Variants in MID2 observed in about 807,000 individuals in gnomAD.
MID2 encodes midline 2.
A neutral mutation model predicts 46.1 loss-of-function variants in MID2; 13 were observed. That is an observed-to-expected ratio of 0.28 (90% CI 0.18 to 0.45). The LOEUF is 0.45. Among genes scored for constraint, MID2 ranks in the 20% least tolerant of loss-of-function variants. MID2 has a pLI of 1.00. For synonymous variants in MID2, 199 were observed against 212.3 expected, an observed-to-expected ratio of 0.94 and a Z score of 0.55; for missense variants, 431 against 575.4, an observed-to-expected ratio of 0.75 and a Z score of 2.57.
At position 107,916,142 on chromosome X, in the gene MID2, T is replaced by C; in HGVS notation, c.1201+13T>C. On this transcript the variant is annotated intron_variant, in intron 6 of 9. Coordinates refer to ENST00000262843, the MANE Select transcript of MID2 (RefSeq NM_012216.4). Reference sequence around the variant, plus strand: ...GATTATTTAACAGGTGTGAAAATACTGTGCTTTCCTTTCCATTTAATTTTT... The same window carrying C: ...GATTATTTAACAGGTGTGAAAATACCGTGCTTTCCTTTCCATTTAATTTTT... The C allele has an allele frequency of 1.8e-6, 2 of 1,113,054 alleles. No homozygotes were observed. The highest frequency in any genetic ancestry group is 2.4e-6 in the Non-Finnish European group (2 of 846,825). The allele number at this position is 1,113,054 out of a possible 1,213,427, so 91.7% of individuals were successfully genotyped here.
At chrX:107,845,523 ACACTCTCT>A (rs1380128038) in intron 2 of MID2, among the ~76,000 whole-genome samples, 2 of 85,954 alleles carry the variant, frequency 2.3e-5, no homozygotes, top group African/African-American at 7.2e-5. Flanking sequence ...ACACACACAC[ACACTCTCT>A]CTCTCTCTCT....
chrX:107,887,029 A>G (rs1932468607), intron 3 of MID2, among the ~76,000 whole-genome samples: 1 of 111,924 alleles, frequency 8.9e-6, no homozygotes, highest in Non-Finnish European at 1.9e-5. Context: ...TTGGGCTGAG[A>G]TGATGGGGTT....
intron 3 of MID2, among the ~76,000 whole-genome samples, chrX:107,883,317 T>C (rs772180677): frequency 9.0e-6 from 1 of 111,158 alleles, no homozygotes; most frequent in African/African-American, 3.3e-5. Flanking sequence ...AAACTGCATG[T>C]TCTGCACATG....
intron 2 of MID2, among the ~76,000 whole-genome samples, chrX:107,851,771 C>G (rs1931624637): frequency 9.0e-6 from 1 of 111,483 alleles, no homozygotes. Flanking sequence ...AGCTGCGTCC[C>G]CCACTACTCT....
rs148256675 is a variant in MID2 at position 107,902,910 on chromosome X, T to G, written c.817-1048T>G. On this transcript the variant is annotated intron_variant, in intron 3 of 9. Coordinates refer to ENST00000262843, the MANE Select transcript of MID2 (RefSeq NM_012216.4). ...TTCCCTGTATGACTGCTCTGTGTGC[T>G]GCTGAAATGGAACTGAACCTCGCCC... 1.3e-4 allele frequency among the ~76,000 whole-genome samples: 14 copies of G among 111,254 alleles called. No homozygotes were observed. The East Asian group carries it at 4.0e-3, about 32-fold the overall frequency.
Position 107,879,555 on chromosome X carries a change from G to T in MID2, c.817-24403G>T, listed in dbSNP as rs945300722. ...GAGCCTAGGTTTTTTATGGGCACAGGGTGGTGGGCAGGGTGGGCCATGGGT... is the reference window on the plus strand; with the variant it reads ...GAGCCTAGGTTTTTTATGGGCACAGTGTGGTGGGCAGGGTGGGCCATGGGT... On this transcript the variant is annotated intron_variant, in intron 3 of 9. Transcript: ENST00000262843. Among the ~76,000 whole-genome samples the T allele has an allele frequency of 4.5e-5, 5 of 111,784 alleles. No individual in the cohort carries two copies. In the Admixed American group the frequency reaches 4.7e-4, roughly 11 times the overall value.
intron 3 of MID2, among the ~76,000 whole-genome samples, chrX:107,880,579 C>A (rs773935892): frequency 9.0e-6 from 1 of 111,346 alleles, no homozygotes; most frequent in Non-Finnish European, 1.9e-5. Context: ...TACAAAAAAA[C>A]CTGAAAAGGT....
intron 3 of MID2, among the ~76,000 whole-genome samples, chrX:107,888,110 G>A (rs1932506475): frequency 9.0e-6 from 1 of 111,601 alleles, no homozygotes; most frequent in African/African-American, 3.3e-5. Flanking sequence ...AGGGTTTTTT[G>A]TGTCTCTATT....
At position 107,840,519 on chromosome X, in the gene MID2, T is replaced by C. The variant is rs370309336; in HGVS notation, c.5-151T>C. On this transcript the variant is annotated intron_variant, in intron 1 of 9. Transcript: ENST00000262843. ...AAACAAGGTTTGAAGGGGAAGAAAGTCTTCCTGATTAGTTCCCAAATTGCT... is the reference window on the plus strand; with the variant it reads ...AAACAAGGTTTGAAGGGGAAGAAAGCCTTCCTGATTAGTTCCCAAATTGCT... 8.1e-5 allele frequency: 37 copies of C among 457,943 alleles called. No individual in the cohort carries two copies. In the East Asian group the frequency reaches 9.0e-4, roughly 11 times the overall value. The allele number at this position is 457,943 out of a possible 1,213,427, so 37.7% of individuals were successfully genotyped here.
chrX:107,919,444 T>A (rs1933028813), intron 7 of MID2, among the ~76,000 whole-genome samples: 1 of 111,845 alleles, frequency 8.9e-6, no homozygotes, highest in Non-Finnish European at 1.9e-5. Flanking sequence ...GTCCTAGTTC[T>A]GAACTTTTGT....
At chrX:107,904,643 C>T (rs972729324) in intron 4 of MID2, among the ~76,000 whole-genome samples, 1 of 111,489 alleles carries the variant, frequency 9.0e-6, no homozygotes, top group Non-Finnish European at 1.9e-5. Context: ...AAGAACACAA[C>T]AGGCACTGCT....
intron 2 of MID2, among the ~76,000 whole-genome samples, chrX:107,845,932 A>G (rs748129236): frequency 5.3e-5 from 6 of 112,341 alleles, no homozygotes; most frequent in Admixed American, 1.9e-4. Flanking sequence ...GGTTGAGAGT[A>G]TATTTGCATA....
intron 5 of MID2, among the ~76,000 whole-genome samples, chrX:107,907,346 T>A (rs969249231): frequency 8.9e-6 from 1 of 112,352 alleles, no homozygotes; most frequent in African/African-American, 3.2e-5. Flanking sequence ...ATTCCAACTC[T>A]GCCACTTTTC....
At chrX:107,894,864 T>TGA (rs1556373790) in intron 3 of MID2, 8 of 26,080 alleles carry the variant, frequency 3.1e-4, no homozygotes, top group African/African-American at 9.2e-4. Flanking sequence ...TGTGTGTGTG[T>TGA]GAAAGAGAGA....
intron 3 of MID2, among the ~76,000 whole-genome samples, chrX:107,861,034 T>A (rs1245545874): frequency 9.0e-6 from 1 of 111,590 alleles, no homozygotes; most frequent in Non-Finnish European, 1.9e-5. Context: ...CATGGGTGGT[T>A]CCTGGACCCA....
chrX:107,889,905 C>T (rs1024951446), intron 3 of MID2, among the ~76,000 whole-genome samples: 6 of 111,807 alleles, frequency 5.4e-5, no homozygotes, highest in African/African-American at 2.0e-4. Flanking sequence ...TCCAGTTGAT[C>T]GAATCAGCTA....
intron 3 of MID2, among the ~76,000 whole-genome samples, chrX:107,902,114 A>G (rs1932799135): frequency 8.9e-6 from 1 of 112,007 alleles, no homozygotes; most frequent in Admixed American, 9.5e-5. Flanking sequence ...ACCTTAAGCA[A>G]GTCACTTAAT....
intron 8 of MID2, 50 bp from the exon 9 acceptor site, chrX:107,926,044 A>T: frequency 1.0e-6 from 1 of 971,891 alleles, no homozygotes; most frequent in Non-Finnish European, 1.4e-6. Context: ...GTAGAATTTT[A>T]AGATACTTCA....
intron 2 of MID2, among the ~76,000 whole-genome samples, chrX:107,846,813 G>C (rs1316944276): frequency 4.5e-5 from 5 of 111,417 alleles, no homozygotes; most frequent in African/African-American, 1.6e-4. Context: ...TATTTCTTTT[G>C]GCTCAAGTTT....
Sources: allele counts gnomAD v4.1 joint callset (sites outside exome capture counted in the v4.1 genomes callset), GRCh38; gene constraint gnomAD v4.1.1; transcripts MANE v1.5; gene names NCBI Gene and HGNC (gene_info 2026-07-23, HGNC 2026-07-21).